The following MUC5B variants were observed in gnomAD, a reference collection of about 807,000 sequenced individuals.
MUC5B encodes the protein mucin-5B.
In MUC5B, 116 loss-of-function variants were observed where a neutral mutation model predicts 376.9. That is an observed-to-expected ratio of 0.31 (90% CI 0.26 to 0.36). The LOEUF is 0.36. Among genes scored for constraint, MUC5B ranks in the 10% least tolerant of loss-of-function variants. The probability of loss-of-function intolerance (pLI) is 1.00; values close to 1 mark genes in which losing one functional copy is unlikely to be tolerated. For missense variants in MUC5B, 7,165 were observed against 7,769.9 expected (o/e 0.92, Z 2.93); for synonymous variants, 3,517 against 3,390.9 (o/e 1.04, Z -1.29).
chr11:1,232,504 C>G lies in MUC5B; in HGVS notation c.1898C>G (p.Ser633Trp). 6.2e-7 allele frequency: 1 copy of G among 1,610,882 alleles called. No individual in the cohort carries two copies. Among genetic ancestry groups the G allele is most frequent in the Non-Finnish European group, 8.5e-7 (1 of 1,179,176 alleles). ...SRLTDPNSAFSRCHSIINPKP... is the reference protein window; with the variant it reads ...SRLTDPNSAFWRCHSIINPKP... ...CTGACCGATCCCAACAGTGCCTTCT[C>G]GCGCTGCCACTCCATCATCAACCCC... Residue 633 changes from serine to tryptophan, a missense_variant, in exon 16 of 49, where the codon TCG (serine) becomes TGG (tryptophan). This residue lies in a region of MUC5B where 530 missense variants were observed against 604.0 expected (regional missense o/e 0.88). Transcript: ENST00000529681.
At chr11:1,225,800 T>G (rs1425326906) in intron 2 of MUC5B, 63 bp downstream of exon 2, 6 of 1,499,454 alleles carry the variant, frequency 4.0e-6, no homozygotes, top group Non-Finnish European at 5.5e-6. Flanking sequence ...GAATTTGGGC[T>G]GGGGCAGGCA....
At position 1,249,080 on chromosome 11, in the gene MUC5B, C is replaced by T. The variant is rs1450876936; in HGVS notation, c.12200C>T (p.Ser4067Phe). The stretch of plus-strand genomic sequence containing the variant: ...ACCCAGCACTCGACTCCAGCCCTGT[C>T]CAGCCCTCACCCTAGCAGCAGGACC... ...GTTQHSTPAL[S>F]SPHPSSRTTE... is the part of the protein sequence containing the mutation. The change falls in exon 31 of 49, where the codon TCC (serine) becomes TTC (phenylalanine). Residue 4067 changes from serine (S) to phenylalanine (F), a missense_variant. Ser to Phe is a radical substitution (Grantham distance 155). Transcript: ENST00000529681. 1 of 1,611,036 alleles carries T rather than the reference C, an allele frequency of 6.2e-7. No homozygotes were observed. The highest frequency in any genetic ancestry group is 1.1e-5 in the South Asian group (1 of 90,886).
In MUC5B at chr11:1,228,585, C is replaced by T. The variant is rs1366230978; in HGVS notation, c.796C>T (p.Leu266=). ...TDEEGICHRT[L]LGPAFAECHA... is the part of the protein sequence containing the mutation. ...CCAGGAGGGCATCTGCCACCGCACCCTGCTGGGGCCGGCCTTTGCGGAGTG... is the reference window on the plus strand; with the variant it reads ...CCAGGAGGGCATCTGCCACCGCACCTTGCTGGGGCCGGCCTTTGCGGAGTG... Residue 266 remains leucine, a synonymous_variant, in exon 8 of 49, where the codon CTG becomes TTG. Transcript: ENST00000529681. 2.6e-6 allele frequency: 4 copies of T among 1,528,708 alleles called. No homozygotes were observed. The highest frequency in any genetic ancestry group is 3.5e-6 in the Non-Finnish European group (4 of 1,142,514). 94.7% of individuals were successfully genotyped at this position (1,528,708 alleles called of 1,614,324 possible). A position where few individuals can be genotyped will look rare whatever the true frequency, so the allele number is the denominator to read the frequency against.
Position 1,258,184 on chromosome 11 carries a change from C to T in MUC5B, c.16536C>T (p.Cys5512=), listed in dbSNP as rs374618426. ...TCTGCACCCAGGAGGAGGGCGACTG[C>T]TGTCCCACCTTCCGCTGCAGTGAGC... ...ESICTQEEGD[C]CPTFRCRPQL... is the part of the protein sequence containing the mutation. The change falls in exon 42 of 49, where the codon TGC becomes TGT. Residue 5512 remains cysteine (C), a synonymous_variant. Transcript: ENST00000529681. This position sits in a 1 kb window ranked among gnomAD's most constrained non-coding sequence, Gnocchi z 5.5. The T allele has an allele frequency of 4.0e-4, 647 of 1,598,352 alleles. 7 individuals are homozygous for T. In the African/African-American group the frequency reaches 7.8e-3, roughly 19 times the overall value.
rs199582536 is a variant in MUC5B at position 1,243,803 on chromosome 11, C to T, written c.6923C>T (p.Thr2308Met). Reference protein sequence around the residue: ...PSSPTSAPITTVVTMGCEPQC... With the variant: ...PSSPTSAPITMVVTMGCEPQC... ...AGCCCCACATCGGCCCCCATAACCA[C>T]GGTGGTGACCATGGGCTGTGAGCCC... Residue 2308 changes from threonine to methionine, a missense_variant, in exon 31 of 49, where the codon ACG (threonine) becomes ATG (methionine). Thr to Met is a moderately conservative substitution (Grantham distance 81). Around this residue, in one of 31 missense-constraint regions of MUC5B, gnomAD observed 26 missense variants for 36.2 expected, o/e 0.72. Coordinates refer to ENST00000529681, the MANE Select transcript of MUC5B (RefSeq NM_002458.3). The T allele has an allele frequency of 1.3e-4, 203 of 1,611,580 alleles. No homozygotes were observed. The highest frequency in any genetic ancestry group is 2.5e-4 in the Admixed American group (15 of 59,988).
rs747696835 is a variant in MUC5B at position 1,242,000 on chromosome 11, G to A, written c.5120G>A (p.Gly1707Asp). 6 of 1,588,282 alleles carry A rather than the reference G, an allele frequency of 3.8e-6. No individual in the cohort carries two copies. In the South Asian group the frequency reaches 4.6e-5, roughly 12 times the overall value. ...SALPGTTGSL[G>D]TWRPSQPPTL... ...CTTCCAGGGACGACGGGGAGCTTGGGCACATGGCGCCCCTCACAGCCACCC... is the reference window on the plus strand; with the variant it reads ...CTTCCAGGGACGACGGGGAGCTTGGACACATGGCGCCCCTCACAGCCACCC... Residue 1707 changes from glycine (G) to aspartate (D), a missense_variant, in exon 31 of 49, where the codon GGC (glycine) becomes GAC (aspartate). By Grantham distance (94) the Gly-to-Asp change is moderately conservative (BLOSUM62 -1). Transcript: ENST00000529681.
chr11:1,229,934 C>T (rs552889972), intron 10 of MUC5B, 71 bp from the exon 11 acceptor site: 26 of 1,552,642 alleles, frequency 1.7e-5, no homozygotes, highest in African/African-American at 1.1e-4. Flanking sequence ...CCTCCGCCTG[C>T]GGTGGGGGTG....
rs766859573 is a variant in MUC5B at position 1,240,238 on chromosome 11, C to A, written c.3833C>A (p.Thr1278Asn). ...TACCAGGACGTCATCTACAACACCACCGATGGGCTTGGCGCCTGCTTGATC... is the reference window on the plus strand; with the variant it reads ...TACCAGGACGTCATCTACAACACCAACGATGGGCTTGGCGCCTGCTTGATC... ...YSYQDVIYNT[T>N]DGLGACLIAI... The change falls in exon 30 of 49, where the codon ACC becomes AAC. Residue 1278 changes from threonine to asparagine, a missense_variant. Thr to Asn is a moderately conservative substitution (Grantham distance 65). This residue lies in a region of MUC5B where 517 missense variants were observed against 545.3 expected (regional missense o/e 0.95). Coordinates refer to ENST00000529681, the MANE Select transcript of MUC5B (RefSeq NM_002458.3). The A allele has an allele frequency of 6.2e-7, 1 of 1,613,582 alleles. No individual in the cohort carries two copies. The highest frequency in any genetic ancestry group is 1.1e-5 in the South Asian group (1 of 91,076).
chr11:1,242,912 C>A lies in MUC5B; in HGVS notation c.6032C>A (p.Ser2011Tyr), dbSNP rs1862329693. 1 of 1,613,760 alleles carries A rather than the reference C, an allele frequency of 6.2e-7. No homozygotes were observed. Among genetic ancestry groups the A allele is most frequent in the Non-Finnish European group, 8.5e-7 (1 of 1,179,748 alleles). The part of the protein sequence containing the change: ...PTATMSTATP[S>Y]STPETAHTST... ...GCCACCATGTCCACAGCCACACCCTCCTCCACTCCAGAGACTGCCCACACC... is the reference window on the plus strand; with the variant it reads ...GCCACCATGTCCACAGCCACACCCTACTCCACTCCAGAGACTGCCCACACC... Residue 2011 changes from serine to tyrosine, a missense_variant, in exon 31 of 49, where the codon TCC (serine) becomes TAC (tyrosine). By Grantham distance (144) the Ser-to-Tyr change is moderately radical (BLOSUM62 -2). Coordinates refer to ENST00000529681, the MANE Select transcript of MUC5B (RefSeq NM_002458.3).
rs755646628 is a variant in MUC5B at position 1,247,905 on chromosome 11, G to C, written c.11025G>C (p.Pro3675=). The stretch of plus-strand genomic sequence containing the variant: ...ACTACGGCCACTGCCCCAGCACCCC[G>C]GCCACCAGCTCTACGGCCACGCCCT... ...CCNYGHCPST[P]ATSSTATPSS... is the part of the protein sequence containing the mutation. The change falls in exon 31 of 49, where the codon CCG becomes CCC. Residue 3675 remains proline, a synonymous_variant. Transcript: ENST00000529681. 1.2e-5 allele frequency: 20 copies of C among 1,609,644 alleles called. No homozygotes were observed. The highest frequency in any genetic ancestry group is 1.7e-5 in the Non-Finnish European group (20 of 1,177,738).
rs1029259021 is a variant in MUC5B, at chr11:1,252,485, C to A, written c.15006C>A (p.Ser5002=). The change falls in exon 32 of 49, where the codon TCC becomes TCA. Residue 5002 remains serine (S), a synonymous_variant. Coordinates refer to ENST00000529681, the MANE Select transcript of MUC5B (RefSeq NM_002458.3). ...CCTCCGCCCCGCTGTCCTCGCCCTC[C>A]CCTGCCCCTGGCTGTGACAATGCCA... is the stretch of plus-strand genomic sequence containing the variant. The part of the protein sequence containing the change: ...PVSSAPLSSP[S]PAPGCDNAIP... 6.3e-7 allele frequency: 1 copy of A among 1,581,524 alleles called. No individual in the cohort carries two copies. The highest frequency in any genetic ancestry group is 8.6e-7 in the Non-Finnish European group (1 of 1,165,306).
chr11:1,251,353 AC>A lies in MUC5B; in HGVS notation c.14474del (p.Thr4825LysfsTer30). On this transcript the variant is annotated frameshift_variant, in exon 31 of 49. Coordinates refer to ENST00000529681, the MANE Select transcript of MUC5B (RefSeq NM_002458.3). LOFTEE classifies it high-confidence loss of function. ...CCGGATCCTCACTGAGCTGACCACAACAGCCACTACAACTGCAGCCACTGGA... is the reference window on the plus strand; with the variant it reads ...CCGGATCCTCACTGAGCTGACCACAAAGCCACTACAACTGCAGCCACTGGA... ...TTRILTELTT[T>X]ATTTAATGST... 6.5e-7 allele frequency: 1 copy of A among 1,538,286 alleles called. No individual in the cohort carries two copies. The highest frequency in any genetic ancestry group is 8.9e-7 in the Non-Finnish European group (1 of 1,118,788).
chr11:1,233,393 G>A, intron 18 of MUC5B, 125 bp downstream of exon 18: 2 of 1,114,694 alleles, frequency 1.8e-6, no homozygotes, highest in Middle Eastern at 3.0e-4. Flanking sequence ...GGGGAGAGTG[G>A]GGCAGGGTGG....
Position 1,249,564 on chromosome 11 carries a change from C to T in MUC5B, c.12684C>T (p.Cys4228=). 1 of 1,612,818 alleles carries T rather than the reference C, an allele frequency of 6.2e-7. No homozygotes were observed. The highest frequency in any genetic ancestry group is 1.3e-5 in the African/African-American group (1 of 74,912). ...IRVFCCNYGH[C]PSTPATSSTA... is the part of the protein sequence containing the mutation. ...TGTTCTGCTGCAACTACGGCCACTG[C>T]CCCAGCACCCCGGCCACCAGCTCTA... The change falls in exon 31 of 49, where the codon TGC becomes TGT. Residue 4228 remains cysteine (C), a synonymous_variant. Transcript: ENST00000529681.
In MUC5B at chr11:1,243,729, A is replaced by T; in HGVS notation, c.6849A>T (p.Thr2283=). The T allele has an allele frequency of 1.9e-5, 29 of 1,566,134 alleles. No homozygotes were observed. Among genetic ancestry groups the T allele is most frequent in the Non-Finnish European group, 2.5e-5 (29 of 1,146,536 alleles). The change falls in exon 31 of 49, where the codon ACA becomes ACT. Residue 2283 remains threonine, a synonymous_variant. Transcript: ENST00000529681. The part of the protein sequence containing the change: ...PGHTTATSRT[T]ATATPSKTRT... ...ACACCACGGCCACCTCCAGGACCACAGCCACGGCCACACCCAGCAAGACCC... is the reference window on the plus strand; with the variant it reads ...ACACCACGGCCACCTCCAGGACCACTGCCACGGCCACACCCAGCAAGACCC...
chr11:1,235,803 C>A (rs935807339), intron 23 of MUC5B, among the ~76,000 whole-genome samples: 6 of 150,864 alleles, frequency 4.0e-5, no homozygotes, highest in Admixed American at 1.3e-4. Flanking sequence ...GGGCCCCCCC[C>A]CGCCCCCACG....
chr11:1,245,862 A>T lies in MUC5B; in HGVS notation c.8982A>T (p.Thr2994=). ...SSTPGTTWIL[T]EQTTAATTTA... Reference sequence around the variant, plus strand: ...CTCCAGGGACGACCTGGATCCTCACAGAGCAGACCACAGCAGCCACTACGA... The same window carrying T: ...CTCCAGGGACGACCTGGATCCTCACTGAGCAGACCACAGCAGCCACTACGA... The change falls in exon 31 of 49, where the codon ACA becomes ACT. Residue 2994 remains threonine, a synonymous_variant. Coordinates refer to ENST00000529681, the MANE Select transcript of MUC5B (RefSeq NM_002458.3). The T allele has an allele frequency of 2.5e-6, 4 of 1,613,484 alleles. No individual in the cohort carries two copies. The highest frequency in any genetic ancestry group is 3.4e-6 in the Non-Finnish European group (4 of 1,179,808).
At chr11:1,236,827 C>G in intron 24 of MUC5B, 98 bp from the exon 25 acceptor site, 1 of 1,360,462 alleles carries the variant, frequency 7.4e-7, no homozygotes, top group East Asian at 2.7e-5. Flanking sequence ...CTCCCTCCAT[C>G]CCCCGAGGGC....
chr11:1,261,242 A>G, intron 48 of MUC5B, 147 bp from the exon 49 acceptor site: 1 of 676,458 alleles, frequency 1.5e-6, no homozygotes, highest in Non-Finnish European at 2.5e-6. Flanking sequence ...GAGAAGGTGA[A>G]GCCTCACGTG....
Sources: allele counts gnomAD v4.1 joint callset (sites outside exome capture counted in the v4.1 genomes callset), GRCh38; gene constraint gnomAD v4.1.1; regional missense constraint gnomAD v4.1.1; non-coding constraint Gnocchi (gnomAD v3.1); transcripts MANE v1.5; gene names NCBI Gene and HGNC (gene_info 2026-07-23, HGNC 2026-07-21).